The following SCML2 variants were observed in gnomAD, a reference collection of about 807,000 sequenced individuals.
SCML2 encodes the protein Scm polycomb group protein like 2, also known as sex comb on midleg-like protein 2.
SCML2 carries 6 observed loss-of-function variants against 48.4 expected under a neutral mutation model. That is an observed-to-expected ratio of 0.12 (90% CI 0.07 to 0.24). The LOEUF is 0.24. Among genes scored for constraint, SCML2 ranks in the 10% least tolerant of loss-of-function variants. The pLI is 1.00. For missense variants in SCML2, 377 were observed against 528.2 expected, an observed-to-expected ratio of 0.71 and a Z score of 2.81; for synonymous variants, 181 against 189.5, an observed-to-expected ratio of 0.95 and a Z score of 0.37.
At chrX:18,300,310 G>A (rs1212294965) in intron 7 of SCML2, among the ~76,000 whole-genome samples, 3 of 100,425 alleles carry the variant, frequency 3.0e-5, no homozygotes, top group Non-Finnish European at 6.1e-5. Context: ...TGAGACAGGA[G>A]GATCACTTGA....
At chrX:18,299,408 C>T (rs1928506090) in intron 7 of SCML2, among the ~76,000 whole-genome samples, 1 of 110,433 alleles carries the variant, frequency 9.1e-6, no homozygotes, top group Non-Finnish European at 1.9e-5. Context: ...GTACCAACTA[C>T]TCGAGAGGCT....
At position 18,241,301 on chromosome X, in the gene SCML2, A is replaced by T; in HGVS notation, c.2053T>A (p.Leu685Ile). The T allele has an allele frequency of 8.3e-7, 1 of 1,203,058 alleles. No individual in the cohort carries two copies. The highest frequency in any genetic ancestry group is 1.8e-5 in the South Asian group (1 of 55,526). Residue 685 changes from leucine to isoleucine, a missense_variant, in exon 15 of 15, where the codon TTA becomes ATA. Transcript: ENST00000251900. ...KYMGLKLGPA[L>I]KLCYYIEKLK... ...TTTTCAATGTAGTAACACAGCTTTA[A>T]TGCTGGCCCCAGCTTCAGCCCCATA...
At chrX:18,276,129 T>C in intron 7 of SCML2, among the ~76,000 whole-genome samples, 1 of 111,317 alleles carries the variant, frequency 9.0e-6, no homozygotes, top group Middle Eastern at 4.6e-3. Context: ...ACCCCGTGTC[T>C]ACTAAAAACA....
Position 18,304,710 on chromosome X carries a change from A to G in SCML2, c.730+262T>C, listed in dbSNP as rs749244175. On this transcript the variant is annotated intron_variant, in intron 7 of 14. Transcript: ENST00000251900. ...CCTTGCTTATAGCAACAAGACCTCA[A>G]TGGTCCAAATATGACTTTTAGCTTT... is the stretch of plus-strand genomic sequence containing the variant. Among the ~76,000 whole-genome samples, 500 of 111,990 alleles carry G rather than the reference A, an allele frequency of 4.5e-3. 4 individuals carry two copies. The highest frequency in any genetic ancestry group is 6.3e-3 in the Non-Finnish European group (334 of 53,152).
intron 7 of SCML2, among the ~76,000 whole-genome samples, chrX:18,295,653 C>CA (rs1295020852): frequency 9.6e-6 from 1 of 103,807 alleles, no homozygotes; most frequent in Non-Finnish European, 2.0e-5. Flanking sequence ...CCTGCAAGCC[C>CA]AAATTCAGCC....
At position 18,241,260 on chromosome X, in the gene SCML2, T is replaced by A. The variant is rs756324398; in HGVS notation, c.2094A>T (p.Lys698Asn). 2.4e-5 allele frequency: 29 copies of A among 1,192,073 alleles called. 1 individual carries two copies. The highest frequency in any genetic ancestry group is 4.6e-5 in the Admixed American group (2 of 43,901). ...CYYIEKLKEGKYS is the reference protein window; with the variant it reads ...CYYIEKLKEGNYS ...AAACTTACACATTTTTTTAACTGTA[T>A]TTTCCTTCTTTAAGCTTTTCAATGT... The change falls in exon 15 of 15, where the codon AAA becomes AAT. Residue 698 changes from lysine to asparagine, a missense_variant. Lys to Asn is a moderately conservative substitution (Grantham distance 94). Coordinates refer to ENST00000251900, the MANE Select transcript of SCML2 (RefSeq NM_006089.3).
At chrX:18,349,750 T>C (rs147696281) in intron 1 of SCML2, among the ~76,000 whole-genome samples, 1,186 of 111,709 alleles carry the variant, frequency 0.011, 12 homozygotes, top group African/African-American at 0.035. Context: ...TGAGCCAGGA[T>C]TGTGCCACTG....
At chrX:18,349,152 A>C (rs772371285) in intron 1 of SCML2, among the ~76,000 whole-genome samples, 1 of 112,317 alleles carries the variant, frequency 8.9e-6, no homozygotes, top group African/African-American at 3.2e-5. Flanking sequence ...TATGCCCTAG[A>C]ATTGTAATAT....
At chrX:18,281,549 T>C (rs763063298) in intron 7 of SCML2, among the ~76,000 whole-genome samples, 1 of 108,979 alleles carries the variant, frequency 9.2e-6, no homozygotes, top group South Asian at 4.0e-4. Context: ...CCGTCTCTAC[T>C]AGAAATACAA....
At chrX:18,346,599 T>C (rs987334283) in intron 1 of SCML2, among the ~76,000 whole-genome samples, 1 of 112,242 alleles carries the variant, frequency 8.9e-6, no homozygotes, top group African/African-American at 3.2e-5. Context: ...ATTAATTAAA[T>C]AGCACAGGTA....
chrX:18,245,691 G>A (rs1482539259), intron 13 of SCML2, among the ~76,000 whole-genome samples: 2 of 112,177 alleles, frequency 1.8e-5, no homozygotes, highest in African/African-American at 3.2e-5. Flanking sequence ...CAAAGGTACA[G>A]GGTATTAGCC....
intron 7 of SCML2, among the ~76,000 whole-genome samples, chrX:18,268,637 G>A (rs1203147782): frequency 4.2e-5 from 4 of 95,966 alleles, no homozygotes; most frequent in Non-Finnish European, 6.4e-5. Context: ...GGAGGGAGGA[G>A]GGATAGCATT....
At chrX:18,318,298 G>A (rs1929198152) in intron 6 of SCML2, among the ~76,000 whole-genome samples, 1 of 112,743 alleles carries the variant, frequency 8.9e-6, no homozygotes, top group Non-Finnish European at 1.9e-5. Flanking sequence ...TGGAGGCATA[G>A]TAATTGATGT....
intron 7 of SCML2, among the ~76,000 whole-genome samples, chrX:18,272,758 C>T (rs1927502113): frequency 9.0e-6 from 1 of 111,425 alleles, no homozygotes; most frequent in Non-Finnish European, 1.9e-5. Flanking sequence ...CCTCTTCTAT[C>T]AATGGATTAG....
chrX:18,261,659 C>A (rs759436149), intron 8 of SCML2, among the ~76,000 whole-genome samples: 1 of 109,563 alleles, frequency 9.1e-6, no homozygotes, highest in African/African-American at 3.5e-5. Context: ...TCAAAGAGAG[C>A]TCTCCAAAAT....
At chrX:18,250,037 C>T (rs1044128809) in intron 11 of SCML2, among the ~76,000 whole-genome samples, 1 of 111,067 alleles carries the variant, frequency 9.0e-6, no homozygotes, top group African/African-American at 3.3e-5. Context: ...GCAACAACAA[C>T]AAACCCTAGG....
intron 7 of SCML2, among the ~76,000 whole-genome samples, chrX:18,297,272 A>G (rs1378773990): frequency 8.9e-6 from 1 of 112,448 alleles, no homozygotes; most frequent in Non-Finnish European, 1.9e-5. Flanking sequence ...CACAGCTAAC[A>G]TCATTCTGAA....
intron 1 of SCML2, among the ~76,000 whole-genome samples, chrX:18,339,134 G>T (rs763721632): frequency 9.0e-6 from 1 of 110,685 alleles, no homozygotes; most frequent in Non-Finnish European, 1.9e-5. Context: ...AGCATTACTT[G>T]GTTACTCTTC....
chrX:18,347,723 CAAAAAAAAAAAAAAAAA>C (rs749758995), intron 1 of SCML2, among the ~76,000 whole-genome samples: 1 of 21,922 alleles, frequency 4.6e-5, no homozygotes, highest in Non-Finnish European at 9.2e-5. Context: ...GACTCCGTCT[CAAAAAAAAAAAAAAAAA>C]AAAAAAAAAA....
Sources: gnomAD v4.1 joint callset for allele counts (sites outside exome capture counted in the v4.1 genomes callset) on GRCh38, gnomAD v4.1.1 for gene constraint, MANE v1.5 for transcripts, NCBI Gene and HGNC (gene_info 2026-07-23, HGNC 2026-07-21) for gene names.